Variants in OXR1 observed in about 807,000 individuals in gnomAD.
The protein encoded by OXR1 is oxidation resistance 1.
In OXR1, 41 loss-of-function variants were observed where a neutral mutation model predicts 104.6. The observed-to-expected ratio is 0.39, with a 90% CI of 0.31 to 0.51. The LOEUF (loss-of-function observed/expected upper bound fraction) is 0.51, where lower values mean the gene tolerates loss of function less well. Among genes scored for constraint, OXR1 ranks in the 20% least tolerant of loss-of-function variants. The pLI, the probability that OXR1 is intolerant of heterozygous loss-of-function variation, is 0.77. For missense variants in OXR1, 955 were observed against 1,031.9 expected (o/e 0.93, Z 1.02); for synonymous variants, 348 against 348.4 (o/e 1.00, Z 0.01).
At chr8:106,707,448 T>C (rs1831254621) in intron 9 of OXR1, 4 of 546,644 alleles carry the variant, frequency 7.3e-6, no homozygotes, top group Non-Finnish European at 1.3e-5. Context: ...AGCTGTATAA[T>C]ACCTTTGATC....
chr8:106,288,542 G>A (rs796410209), intron 1 of OXR1, among the ~76,000 whole-genome samples: 2 of 147,544 alleles, frequency 1.4e-5, no homozygotes, highest in African/African-American at 2.5e-5. Context: ...GTGTGTGTGT[G>A]TATATATATA....
intron 3 of OXR1, among the ~76,000 whole-genome samples, chr8:106,604,324 T>C (rs1026500067): frequency 6.6e-6 from 1 of 152,184 alleles, no homozygotes; most frequent in Non-Finnish European, 1.5e-5. Flanking sequence ...GTCAGGGGTC[T>C]TGGCTTTCAC....
Position 106,683,326 on chromosome 8 carries a change from G to A in OXR1, c.411+20G>A, listed in dbSNP as rs755282035. On this transcript the variant is annotated intron_variant, in intron 5 of 16. Coordinates refer to ENST00000517566, the MANE Select transcript of OXR1 (RefSeq NM_001198533.2). ...GGACAGGTAGTATCTTTTTTTTAATGTGCTGATGTTTAGAAACATTAAACA... is the reference window on the plus strand; with the variant it reads ...GGACAGGTAGTATCTTTTTTTTAATATGCTGATGTTTAGAAACATTAAACA... 4 of 1,129,172 alleles carry A rather than the reference G, an allele frequency of 3.5e-6. No homozygotes were observed. The South Asian group carries it at 5.0e-5, about 14-fold the overall frequency. 69.9% of individuals were successfully genotyped at this position (1,129,172 alleles called of 1,614,324 possible).
intron 3 of OXR1, among the ~76,000 whole-genome samples, chr8:106,641,447 G>A (rs1198847500): frequency 6.6e-6 from 1 of 152,184 alleles, no homozygotes; most frequent in Non-Finnish European, 1.5e-5. Context: ...ACTAAAGTAC[G>A]AGTGTTAAAG....
At chr8:106,450,742 T>C (rs1433360372) in intron 2 of OXR1, among the ~76,000 whole-genome samples, 1 of 149,662 alleles carries the variant, frequency 6.7e-6, no homozygotes, top group Non-Finnish European at 1.5e-5. Flanking sequence ...ACTTTCATTT[T>C]ACAGAGCTCT....
At chr8:106,749,851 C>T in intron 16 of OXR1, among the ~76,000 whole-genome samples, 1 of 151,986 alleles carries the variant, frequency 6.6e-6, no homozygotes, top group Non-Finnish European at 1.5e-5. Flanking sequence ...GTGTTTTCCC[C>T]TCTCGGTTAT....
At chr8:106,592,938 T>C (rs1819210788) in intron 3 of OXR1, among the ~76,000 whole-genome samples, 1 of 152,192 alleles carries the variant, frequency 6.6e-6, no homozygotes, top group Non-Finnish European at 1.5e-5. Flanking sequence ...GAACTCCATG[T>C]TTTCTAAATG....
At chr8:106,490,675 A>G (rs1283895206) in intron 2 of OXR1, among the ~76,000 whole-genome samples, 1 of 152,078 alleles carries the variant, frequency 6.6e-6, no homozygotes, top group Non-Finnish European at 1.5e-5. Flanking sequence ...TGGATGCACT[A>G]TTTTAAAAGA....
At chr8:106,705,945 G>A (rs1018583303) in intron 8 of OXR1, among the ~76,000 whole-genome samples, 10 of 149,928 alleles carry the variant, frequency 6.7e-5, no homozygotes, top group Middle Eastern at 3.6e-3. Context: ...GTGTGTGTGT[G>A]TATATCTATG....
intron 2 of OXR1, among the ~76,000 whole-genome samples, chr8:106,426,410 TG>T (rs1287960175): frequency 1.3e-5 from 2 of 152,190 alleles, no homozygotes; most frequent in African/African-American, 4.8e-5. Flanking sequence ...ACTTATGTCT[TG>T]AAAAACATTT....
At chr8:106,646,851 G>C (rs1172812970) in intron 3 of OXR1, among the ~76,000 whole-genome samples, 1 of 152,202 alleles carries the variant, frequency 6.6e-6, no homozygotes, top group Non-Finnish European at 1.5e-5. Flanking sequence ...ATGAGCTATT[G>C]TTCCTCAAGG....
chr8:106,407,937 C>T (rs556168015), intron 2 of OXR1, among the ~76,000 whole-genome samples: 3 of 152,134 alleles, frequency 2.0e-5, no homozygotes, highest in Admixed American at 6.6e-5. Context: ...TTCCCCACTA[C>T]GTTTTGTGCT....
intron 3 of OXR1, among the ~76,000 whole-genome samples, chr8:106,528,898 A>T (rs1813889938): frequency 6.6e-6 from 1 of 152,212 alleles, no homozygotes; most frequent in East Asian, 1.9e-4. Flanking sequence ...AGAAACTAAA[A>T]CACATAGCTG....
At chr8:106,405,683 A>C (rs1818209314) in intron 2 of OXR1, among the ~76,000 whole-genome samples, 1 of 152,152 alleles carries the variant, frequency 6.6e-6, no homozygotes, top group African/African-American at 2.4e-5. Context: ...GAGTCAACCC[A>C]GGTATCCCAG....
chr8:106,416,262 T>C (rs1818675086), intron 2 of OXR1, among the ~76,000 whole-genome samples: 1 of 152,090 alleles, frequency 6.6e-6, no homozygotes. Flanking sequence ...GCTAATTGTG[T>C]GACTGAGGGG....
chr8:106,512,178 AAATTGCCC>A (rs1337801206), intron 2 of OXR1, among the ~76,000 whole-genome samples: 1 of 152,188 alleles, frequency 6.6e-6, no homozygotes, highest in African/African-American at 2.4e-5. Flanking sequence ...AAGGTTAAGA[AAATTGCCC>A]AATTGCCCAA....
chr8:106,446,969 T>G (rs569902330), intron 2 of OXR1, among the ~76,000 whole-genome samples: 20 of 152,250 alleles, frequency 1.3e-4, no homozygotes, highest in Non-Finnish European at 2.6e-4. Flanking sequence ...GGAAACTGAA[T>G]TTTTGTGATG....
intron 2 of OXR1, among the ~76,000 whole-genome samples, chr8:106,366,623 A>G (rs116251878): frequency 0.012 from 1,827 of 152,232 alleles, 36 homozygotes; most frequent in African/African-American, 0.041. Context: ...TGATATTTCT[A>G]ATTTTTTTTA....
intron 3 of OXR1, among the ~76,000 whole-genome samples, chr8:106,577,539 G>A (rs796647817): frequency 1.5e-4 from 23 of 151,834 alleles, no homozygotes; most frequent in African/African-American, 5.6e-4. Context: ...ACAGGTGCCC[G>A]CCACCACGCC....
Sources: gnomAD v4.1 joint callset for allele counts (sites outside exome capture counted in the v4.1 genomes callset) on GRCh38, gnomAD v4.1.1 for gene constraint, MANE v1.5 for transcripts, NCBI Gene and HGNC (gene_info 2026-07-23, HGNC 2026-07-21) for gene names.